Variants in BRWD1 observed in about 807,000 individuals in gnomAD.
BRWD1 encodes bromodomain and WD repeat-containing protein 1.
Under a neutral mutation model 251.2 loss-of-function variants are expected in BRWD1, and 82 were observed. That is an observed-to-expected ratio of 0.33 (90% CI 0.27 to 0.39). The LOEUF (loss-of-function observed/expected upper bound fraction) is 0.39. BRWD1 is among the 10% of genes least tolerant of loss of function. The probability of loss-of-function intolerance (pLI) is 1.00; values close to 1 mark genes in which losing one functional copy is unlikely to be tolerated. For synonymous variants in BRWD1, 918 were observed against 902.8 expected, an observed-to-expected ratio of 1.02 and a Z score of -0.30; for missense variants, 2,233 against 2,711.6, an observed-to-expected ratio of 0.82 and a Z score of 3.92.
Position 39,194,480 on chromosome 21 carries a change from A to G in BRWD1, c.*1779T>C. 3 of 1,403,522 alleles carry G rather than the reference A, an allele frequency of 2.1e-6. No individual in the cohort carries two copies. Among genetic ancestry groups the G allele is most frequent in the Non-Finnish European group, 2.8e-6 (3 of 1,082,704 alleles). The allele number at this position is 1,403,522 out of a possible 1,614,324, so 86.9% of individuals were successfully genotyped here. On this transcript the variant is annotated 3_prime_UTR_variant, in exon 41 of 41. Coordinates refer to ENST00000342449, the MANE Select transcript of BRWD1 (RefSeq NM_033656.4). Reference sequence around the variant, plus strand: ...TCAATCTGTTTACTATCTACTTAACACAAGTTCTGAGAAGAAAAGCATCAT... The same window carrying G: ...TCAATCTGTTTACTATCTACTTAACGCAAGTTCTGAGAAGAAAAGCATCAT...
chr21:39,313,338 G>T, intron 1 of BRWD1, 39 bp from the exon 2 acceptor site: 1 of 1,512,790 alleles, frequency 6.6e-7, no homozygotes, highest in Non-Finnish European at 8.9e-7. Context: ...CCCCGGCGGG[G>T]AGGGGAGGGG....
chr21:39,292,167 G>T (rs955656805), intron 8 of BRWD1, among the ~76,000 whole-genome samples: 21 of 141,698 alleles, frequency 1.5e-4, no homozygotes. Flanking sequence ...CCCAGGCCGG[G>T]TCTCAAACCT....
In BRWD1 at chr21:39,223,941, C is replaced by T. The variant is rs545464078; in HGVS notation, c.3382+467G>A. On this transcript the variant is annotated intron_variant, in intron 29 of 40. Coordinates refer to ENST00000342449, the MANE Select transcript of BRWD1 (RefSeq NM_033656.4). ...TTGGCTCAGTGAAACCTCTGCCTCC[C>T]GGGTTCAAACAATTCTCCTGCCTCA... 1.0e-3 allele frequency among the ~76,000 whole-genome samples: 158 copies of T among 152,224 alleles called. 1 individual carries two copies. The highest frequency in any genetic ancestry group is 1.9e-3 in the Non-Finnish European group (130 of 67,998).
chr21:39,237,162 C>T (rs190329647), intron 22 of BRWD1, among the ~76,000 whole-genome samples: 1 of 152,112 alleles, frequency 6.6e-6, no homozygotes, highest in Admixed American at 6.5e-5. Flanking sequence ...CCCACCACTA[C>T]CCCCATGTTG....
At chr21:39,286,670 A>T (rs1447498342) in intron 8 of BRWD1, among the ~76,000 whole-genome samples, 1 of 151,936 alleles carries the variant, frequency 6.6e-6, no homozygotes, top group Non-Finnish European at 1.5e-5. Context: ...GCCCGCCACC[A>T]TGCCCGGCTA....
chr21:39,297,664 T>A, intron 5 of BRWD1: 1 of 247,240 alleles, frequency 4.0e-6, no homozygotes, highest in African/African-American at 2.3e-5. Context: ...GGCACGGAAC[T>A]AAGAGGGAGG....
chr21:39,219,517 A>G (rs1382949258), intron 29 of BRWD1: 1 of 152,252 alleles, frequency 6.6e-6, no homozygotes, highest in Middle Eastern at 3.2e-3. Context: ...TTTACTGTGT[A>G]CTGTGTACTG....
chr21:39,245,553 C>G (rs1213832595), intron 21 of BRWD1, among the ~76,000 whole-genome samples: 1 of 151,654 alleles, frequency 6.6e-6, no homozygotes, highest in Non-Finnish European at 1.5e-5. Context: ...CAAAACATTA[C>G]TCAGTCAGGA....
intron 29 of BRWD1, among the ~76,000 whole-genome samples, chr21:39,220,610 T>C (rs1340300845): frequency 6.6e-6 from 1 of 152,066 alleles, no homozygotes; most frequent in African/African-American, 2.4e-5. Flanking sequence ...TATTAGGAAA[T>C]ACCCATAATG....
intron 23 of BRWD1, among the ~76,000 whole-genome samples, chr21:39,234,798 T>C (rs1376709664): frequency 1.3e-5 from 2 of 152,206 alleles, no homozygotes; most frequent in African/African-American, 4.8e-5. Context: ...CAAAACAAGC[T>C]TGCTAGTTTA....
rs2031527580 is a variant in BRWD1 at position 39,191,073 on chromosome 21, T to C, written c.*5186A>G. 1.0e-6 allele frequency: 1 copy of C among 985,182 alleles called. No individual in the cohort carries two copies. Among genetic ancestry groups the C allele is most frequent in the African/African-American group, 1.7e-5 (1 of 57,236 alleles). The allele number at this position is 985,182 out of a possible 1,614,324, so 61.0% of individuals were successfully genotyped here. ...TTCAGGGACTTTATACTTAACTGCT[T>C]AATTTGCTTTTTAGAAGCAATACCT... On this transcript the variant is annotated 3_prime_UTR_variant, in exon 41 of 41. Coordinates refer to ENST00000342449, the MANE Select transcript of BRWD1 (RefSeq NM_033656.4).
chr21:39,231,146 A>G (rs1018618681), intron 25 of BRWD1, among the ~76,000 whole-genome samples: 7 of 152,170 alleles, frequency 4.6e-5, no homozygotes, highest in Non-Finnish European at 1.0e-4. Flanking sequence ...CATTTTCTTC[A>G]TTTTCTAAGT....
intron 4 of BRWD1, among the ~76,000 whole-genome samples, chr21:39,308,619 T>C (rs2036366006): frequency 6.6e-6 from 1 of 152,210 alleles, no homozygotes; most frequent in African/African-American, 2.4e-5. Context: ...TAAAAAGCTT[T>C]TTAAAATACT....
chr21:39,258,827 A>C (rs1321572760), intron 17 of BRWD1, among the ~76,000 whole-genome samples, 155 bp from the exon 18 acceptor site: 2 of 152,232 alleles, frequency 1.3e-5, no homozygotes, highest in African/African-American at 2.4e-5. Context: ...TTCACCAAGA[A>C]GTCAGAGAAA....
At chr21:39,278,017 G>A (rs908642820) in intron 10 of BRWD1, among the ~76,000 whole-genome samples, 3 of 151,846 alleles carry the variant, frequency 2.0e-5, no homozygotes, top group Non-Finnish European at 2.9e-5. Context: ...GATAATTTTT[G>A]TTTTGTTTTT....
chr21:39,236,880 A>T, intron 22 of BRWD1, 96 bp from the exon 23 acceptor site: 1 of 1,120,876 alleles, frequency 8.9e-7, no homozygotes, highest in Non-Finnish European at 1.3e-6. Context: ...GAGAGGAGAA[A>T]AAGGGAAGGG....
intron 7 of BRWD1, 127 bp from the exon 8 acceptor site, chr21:39,294,159 TG>T: frequency 4.1e-6 from 3 of 730,062 alleles, no homozygotes; most frequent in Non-Finnish European, 6.6e-6. Context: ...CTCTTATTTA[TG>T]TAATAAATTA....
chr21:39,305,866 G>A (rs78991582), intron 4 of BRWD1, among the ~76,000 whole-genome samples: 210 of 131,852 alleles, frequency 1.6e-3, no homozygotes, highest in Middle Eastern at 3.8e-3. Context: ...GTCTCAAAAA[G>A]AAAAAAAAAA....
chr21:39,240,255 A>T (rs976772543), intron 21 of BRWD1, among the ~76,000 whole-genome samples: 10 of 152,228 alleles, frequency 6.6e-5, no homozygotes, highest in African/African-American at 2.2e-4. Flanking sequence ...AAAGATGAAC[A>T]GATGGAGCAC....
Sources: gnomAD v4.1 joint callset for allele counts (sites outside exome capture counted in the v4.1 genomes callset) on GRCh38, gnomAD v4.1.1 for gene constraint, MANE v1.5 for transcripts, NCBI Gene and HGNC (gene_info 2026-07-23, HGNC 2026-07-21) for gene names.